NFATC1: variants seen among roughly 807,000 people sequenced by gnomAD.
NFATC1 encodes nuclear factor of activated T cells 1.
Under a neutral mutation model 76.0 loss-of-function variants are expected in NFATC1, and 22 were observed. The ratio of observed to expected loss-of-function variants is 0.29; its 90% CI spans 0.21 to 0.41. NFATC1 has a LOEUF of 0.41. Ranked by LOEUF, NFATC1 falls within the 10% of genes least tolerant of loss-of-function variation. The pLI, the probability that NFATC1 is intolerant of heterozygous loss-of-function variation, is 1.00. For synonymous variants in NFATC1, 704 were observed against 613.1 expected (o/e 1.15, Z -2.19); for missense variants, 1,357 against 1,337.7 (o/e 1.01, Z -0.23).
chr18:79,430,090 G>A (rs188000505), intron 2 of NFATC1, among the ~76,000 whole-genome samples: 10 of 152,356 alleles, frequency 6.6e-5, no homozygotes, highest in East Asian at 1.9e-4. Flanking sequence ...CGGTTCACAC[G>A]AGTTCCCACG....
intron 9 of NFATC1, among the ~76,000 whole-genome samples, chr18:79,488,940 A>G (rs1308665563): frequency 7.1e-6 from 1 of 140,988 alleles, no homozygotes; most frequent in Non-Finnish European, 1.6e-5. Flanking sequence ...TGGCGAGGGT[A>G]GAGTTCGGGG....
intron 6 of NFATC1, among the ~76,000 whole-genome samples, chr18:79,452,713 T>C (rs1016822890): frequency 1.1e-4 from 16 of 152,136 alleles, no homozygotes; most frequent in African/African-American, 3.9e-4. Context: ...TCAGGCAGAG[T>C]GGGCCTGGCT....
intron 7 of NFATC1, among the ~76,000 whole-genome samples, chr18:79,464,670 G>GTGTGTACGTATATATATACACACATGTA (rs1472542767): frequency 1.5e-4 from 17 of 112,726 alleles, no homozygotes; most frequent in Admixed American, 2.6e-4. Context: ...GTGTGTGTGT[G>GTGTGTACGTATATATATACACACATGTA]TATATGTATG....
At chr18:79,398,967 T>C (rs925794524) in intron 1 of NFATC1, among the ~76,000 whole-genome samples, 3 of 152,228 alleles carry the variant, frequency 2.0e-5, no homozygotes, top group Non-Finnish European at 4.4e-5. Flanking sequence ...CTCTGGAGGC[T>C]GAGGCAGGAG....
intron 9 of NFATC1, among the ~76,000 whole-genome samples, chr18:79,489,509 C>T (rs980780926): frequency 1.3e-5 from 2 of 152,210 alleles, no homozygotes; most frequent in East Asian, 1.9e-4. Flanking sequence ...GTTTGTTTCC[C>T]GGCGTGCTGC....
intron 9 of NFATC1, among the ~76,000 whole-genome samples, chr18:79,500,482 G>C (rs2089989196): frequency 6.6e-6 from 1 of 151,994 alleles, no homozygotes; most frequent in Non-Finnish European, 1.5e-5. Flanking sequence ...CCTTAAAAAT[G>C]TTGAAAAAGG....
intron 1 of NFATC1, among the ~76,000 whole-genome samples, chr18:79,403,410 C>G (rs2085331392): frequency 6.6e-6 from 1 of 152,234 alleles, no homozygotes; most frequent in Non-Finnish European, 1.5e-5. Context: ...CTGGCTGTGT[C>G]CACCCAGGAG....
At chr18:79,478,705 C>A (rs1217633819) in intron 8 of NFATC1, among the ~76,000 whole-genome samples, 1 of 152,192 alleles carries the variant, frequency 6.6e-6, no homozygotes, top group Non-Finnish European at 1.5e-5. Context: ...GCGTCTGTGG[C>A]CAGAATTGGC....
rs576738820 is a variant in NFATC1, at chr18:79,467,842, G to A, written c.2092+260G>A. 142 of 1,182,568 alleles carry A rather than the reference G, an allele frequency of 1.2e-4. 2 individuals carry two copies. The South Asian group carries it at 1.6e-3, about 13-fold the overall frequency. The allele number at this position is 1,182,568 out of a possible 1,614,324, so 73.3% of individuals were successfully genotyped here. On this transcript the variant is annotated intron_variant, in intron 8 of 9. Coordinates refer to ENST00000427363, the MANE Select transcript of NFATC1 (RefSeq NM_001278669.2). ...TAGTCACGGTTATTTTGCTTCTTGC[G>A]AATGTATAACAGCCAAGGGGAAAAC... is the stretch of plus-strand genomic sequence containing the variant.
intron 8 of NFATC1, chr18:79,469,390 A>G (rs1388658687): frequency 4.1e-6 from 4 of 985,356 alleles, no homozygotes; most frequent in Non-Finnish European, 4.8e-6. Flanking sequence ...TCTCAGAGGC[A>G]GAAGGGGCGT....
At chr18:79,481,774 G>A (rs538539089) in intron 8 of NFATC1, among the ~76,000 whole-genome samples, 15 of 152,268 alleles carry the variant, frequency 9.9e-5, no homozygotes, top group South Asian at 4.1e-4. Flanking sequence ...TGTAATTCCA[G>A]CGTGACCTGG....
At chr18:79,526,476 C>T (rs2090767435) in intron 9 of NFATC1, among the ~76,000 whole-genome samples, 1 of 152,200 alleles carries the variant, frequency 6.6e-6, no homozygotes, top group African/African-American at 2.4e-5. Context: ...TCGGGACCTT[C>T]TGTGGGCGCC....
intron 9 of NFATC1, among the ~76,000 whole-genome samples, chr18:79,495,859 A>G (rs2089866602): frequency 6.6e-6 from 1 of 152,098 alleles, no homozygotes; most frequent in Non-Finnish European, 1.5e-5. Context: ...AACCGTAGTA[A>G]GGTGTCCGCA....
intron 3 of NFATC1, among the ~76,000 whole-genome samples, chr18:79,438,642 TAGG>T (rs762868735): frequency 7.9e-5 from 12 of 152,194 alleles, no homozygotes; most frequent in East Asian, 3.8e-4. Context: ...TATTGTCAGT[TAGG>T]AGAAGGGCCA....
intron 8 of NFATC1, among the ~76,000 whole-genome samples, chr18:79,471,942 G>C (rs1419024203): frequency 6.6e-6 from 1 of 152,224 alleles, no homozygotes; most frequent in Admixed American, 6.5e-5. Context: ...TGCTGGCCCT[G>C]CAACGATGAC....
chr18:79,483,932 G>A (rs1231005115), intron 8 of NFATC1, among the ~76,000 whole-genome samples: 3 of 145,210 alleles, frequency 2.1e-5, no homozygotes, highest in Non-Finnish European at 4.5e-5. Context: ...TCACTCCAGC[G>A]TGACCTGGTT....
intron 9 of NFATC1, among the ~76,000 whole-genome samples, chr18:79,493,106 A>G (rs1048235497): frequency 1.3e-5 from 2 of 152,274 alleles, no homozygotes; most frequent in Admixed American, 6.5e-5. Context: ...GGTTTTCTGT[A>G]TCTTGCATTA....
chr18:79,473,114 A>C (rs947455846), intron 8 of NFATC1, among the ~76,000 whole-genome samples: 2 of 152,236 alleles, frequency 1.3e-5, no homozygotes, highest in East Asian at 3.8e-4. Context: ...AGAGCGGATG[A>C]TGCTGACATT....
chr18:79,525,762 C>T (rs1443802620), intron 9 of NFATC1, among the ~76,000 whole-genome samples: 3 of 152,246 alleles, frequency 2.0e-5, no homozygotes, highest in Admixed American at 6.5e-5. Flanking sequence ...ATGCATTGGG[C>T]AGCCTCCCTT....
Sources: gnomAD v4.1 joint callset for allele counts (sites outside exome capture counted in the v4.1 genomes callset) on GRCh38, gnomAD v4.1.1 for gene constraint, MANE v1.5 for transcripts, NCBI Gene and HGNC (gene_info 2026-07-23, HGNC 2026-07-21) for gene names.